CNTNAP5: variants seen among roughly 807,000 people sequenced by gnomAD.
CNTNAP5 encodes contactin associated protein family member 5.
CNTNAP5 carries 72 observed loss-of-function variants against 150.2 expected under a neutral mutation model. That is an observed-to-expected ratio of 0.48 (90% CI 0.40 to 0.58). The LOEUF (loss-of-function observed/expected upper bound fraction) is 0.58, where lower values mean the gene tolerates loss of function less well. Among genes scored for constraint, CNTNAP5 ranks in the 20% least tolerant of loss-of-function variants. The pLI is 0.00. For synonymous variants in CNTNAP5, 672 were observed against 619.8 expected, an observed-to-expected ratio of 1.08 and a Z score of -1.25; for missense variants, 1,636 against 1,626.2, an observed-to-expected ratio of 1.01 and a Z score of -0.10.
chr2:124,221,672 G>C, intron 1 of CNTNAP5, 33 bp from the exon 2 acceptor site: 1 of 1,300,402 alleles, frequency 7.7e-7, no homozygotes, highest in South Asian at 1.2e-5. Context: ...AATAGAATCT[G>C]GTCTCTCTCC....
chr2:124,228,513 A>G (rs1558810399), intron 2 of CNTNAP5, among the ~76,000 whole-genome samples: 1 of 152,180 alleles, frequency 6.6e-6, no homozygotes, highest in Non-Finnish European at 1.5e-5. Flanking sequence ...TATTGGACAC[A>G]CATTTATAAG....
chr2:124,355,060 A>C (rs932323360), intron 3 of CNTNAP5, among the ~76,000 whole-genome samples: 5 of 150,890 alleles, frequency 3.3e-5, no homozygotes, highest in Non-Finnish European at 7.4e-5. Context: ...CATTTAAAAA[A>C]ATTTTCTAAT....
chr2:124,323,077 A>G (rs769403784), intron 3 of CNTNAP5, among the ~76,000 whole-genome samples: 37 of 152,192 alleles, frequency 2.4e-4, no homozygotes, highest in Non-Finnish European at 5.0e-4. Flanking sequence ...AGCAGGTTTG[A>G]TAACAGATAT....
intron 10 of CNTNAP5, among the ~76,000 whole-genome samples, chr2:124,560,770 C>T (rs756779509): frequency 1.7e-4 from 26 of 152,012 alleles, no homozygotes; most frequent in Non-Finnish European, 2.6e-4. Flanking sequence ...CAGCAGGGAC[C>T]GACCACACAG....
At chr2:124,873,952 C>T (rs1040084054) in intron 21 of CNTNAP5, among the ~76,000 whole-genome samples, 1 of 152,052 alleles carries the variant, frequency 6.6e-6, no homozygotes, top group African/African-American at 2.4e-5. Flanking sequence ...AAATTCCTTA[C>T]TAAAGAGGAC....
chr2:124,042,771 G>A (rs138938360), intron 1 of CNTNAP5, among the ~76,000 whole-genome samples: 136 of 148,028 alleles, frequency 9.2e-4, no homozygotes, highest in Non-Finnish European at 1.6e-3. Context: ...TTGCATAAGC[G>A]TAACTCTCTA....
chr2:124,571,527 C>A (rs141726305), intron 11 of CNTNAP5, among the ~76,000 whole-genome samples: 1 of 46,850 alleles, frequency 2.1e-5, no homozygotes, highest in Non-Finnish European at 3.6e-5. Context: ...TTTCTTTTTT[C>A]TTTTTTTTTT....
At chr2:124,044,948 C>T (rs1472394392) in intron 1 of CNTNAP5, among the ~76,000 whole-genome samples, 2 of 151,006 alleles carry the variant, frequency 1.3e-5, no homozygotes, top group African/African-American at 4.9e-5. Context: ...AAGTGAGGCC[C>T]ATCTTCCTGG....
At chr2:124,691,711 T>C (rs769994927) in intron 13 of CNTNAP5, among the ~76,000 whole-genome samples, 5 of 152,010 alleles carry the variant, frequency 3.3e-5, no homozygotes, top group Admixed American at 6.6e-5. Context: ...CGCTCAGTGG[T>C]CCCAGTTTTC....
intron 3 of CNTNAP5, among the ~76,000 whole-genome samples, chr2:124,334,620 G>A (rs1430008342): frequency 6.6e-6 from 1 of 152,084 alleles, no homozygotes; most frequent in Non-Finnish European, 1.5e-5. Context: ...AATTGGGGAA[G>A]GAAAAGTCTC....
chr2:124,639,306 T>C (rs1434373019), intron 12 of CNTNAP5, among the ~76,000 whole-genome samples: 2 of 152,202 alleles, frequency 1.3e-5, no homozygotes, highest in African/African-American at 2.4e-5. Context: ...CACAATCTCA[T>C]TCATCTTGTG....
intron 3 of CNTNAP5, among the ~76,000 whole-genome samples, chr2:124,402,981 G>C (rs1325708473): frequency 1.3e-5 from 2 of 152,052 alleles, no homozygotes; most frequent in African/African-American, 4.8e-5. Flanking sequence ...AGGCTGAATG[G>C]GTTTGTCAAT....
chr2:124,432,844 G>C (rs1475582616), intron 4 of CNTNAP5, among the ~76,000 whole-genome samples: 3 of 152,156 alleles, frequency 2.0e-5, no homozygotes, highest in Non-Finnish European at 4.4e-5. Flanking sequence ...CCAACCAATA[G>C]AGTGGCCTTG....
chr2:124,437,309 G>T (rs1388602750), intron 5 of CNTNAP5, among the ~76,000 whole-genome samples: 2 of 152,042 alleles, frequency 1.3e-5, no homozygotes, highest in Non-Finnish European at 2.9e-5. Flanking sequence ...TGACAATGGG[G>T]TATATTTACA....
intron 3 of CNTNAP5, among the ~76,000 whole-genome samples, chr2:124,247,226 A>G (rs1687053053): frequency 6.6e-6 from 1 of 152,086 alleles, no homozygotes; most frequent in South Asian, 2.1e-4. Context: ...AACCCTACCA[A>G]TTTCAGAAAA....
chr2:124,096,724 G>A (rs2104691827), intron 1 of CNTNAP5, among the ~76,000 whole-genome samples: 1 of 151,930 alleles, frequency 6.6e-6, no homozygotes, highest in African/African-American at 2.4e-5. Context: ...TTATTATAGA[G>A]ACAGAGTCTC....
At chr2:124,876,258 T>G (rs1373981593) in intron 21 of CNTNAP5, among the ~76,000 whole-genome samples, 2 of 152,076 alleles carry the variant, frequency 1.3e-5, no homozygotes, top group Non-Finnish European at 2.9e-5. Context: ...TGGGATCTAC[T>G]GCATGGCCAT....
At chr2:124,227,296 A>G (rs959315981) in intron 2 of CNTNAP5, among the ~76,000 whole-genome samples, 12 of 152,132 alleles carry the variant, frequency 7.9e-5, no homozygotes, top group African/African-American at 2.2e-4. Flanking sequence ...TCTGCTTTAT[A>G]TAGCCTCATT....
intron 13 of CNTNAP5, among the ~76,000 whole-genome samples, chr2:124,688,467 T>C (rs1679236917): frequency 6.6e-6 from 1 of 152,086 alleles, no homozygotes; most frequent in Non-Finnish European, 1.5e-5. Flanking sequence ...TCAGTTAGTC[T>C]GGATGACTAT....
Sources: gnomAD v4.1 joint callset for allele counts (sites outside exome capture counted in the v4.1 genomes callset) on GRCh38, gnomAD v4.1.1 for gene constraint, MANE v1.5 for transcripts, NCBI Gene and HGNC (gene_info 2026-07-23, HGNC 2026-07-21) for gene names.